MYO1D: variants seen among roughly 807,000 people sequenced by gnomAD.
MYO1D encodes unconventional myosin-Id.
In MYO1D, 83 loss-of-function variants were observed where a neutral mutation model predicts 122.0. That is an observed-to-expected ratio of 0.68 (90% CI 0.57 to 0.82). The LOEUF is 0.82. MYO1D is among the 40% of genes least tolerant of loss of function. MYO1D has a pLI of 0.00. For missense variants in MYO1D, 1,157 were observed against 1,269.5 expected, an observed-to-expected ratio of 0.91 and a Z score of 1.35; for synonymous variants, 464 against 446.9, an observed-to-expected ratio of 1.04 and a Z score of -0.48.
At chr17:32,571,006 A>G (rs201506657) in intron 21 of MYO1D, among the ~76,000 whole-genome samples, 3 of 151,914 alleles carry the variant, frequency 2.0e-5, no homozygotes, top group East Asian at 3.9e-4. Flanking sequence ...CATGAGGAAA[A>G]GTGCTGGAGG....
chr17:32,811,259 C>T (rs972992264), intron 1 of MYO1D, among the ~76,000 whole-genome samples: 4 of 152,206 alleles, frequency 2.6e-5, no homozygotes, highest in African/African-American at 9.6e-5. Context: ...TAAAACATAA[C>T]TCAAGTAAAC....
chr17:32,524,645 C>T lies in MYO1D; in HGVS notation c.2865-29730G>A, dbSNP rs536462256. Among the ~76,000 whole-genome samples the T allele has an allele frequency of 8.0e-4, 120 of 149,760 alleles. 1 individual carries two copies. The highest frequency in any genetic ancestry group is 2.8e-3 in the African/African-American group (114 of 40,880). ...GTGGCATGATCTCGGCTCACTGCAA[C>T]CTCCGCCTCTGGGTTCAAGCGATTC... On this transcript the variant is annotated intron_variant, in intron 21 of 21. Coordinates refer to ENST00000318217, the MANE Select transcript of MYO1D (RefSeq NM_015194.3).
At chr17:32,690,185 CT>C (rs1202005031) in intron 16 of MYO1D, among the ~76,000 whole-genome samples, 318 of 141,002 alleles carry the variant, frequency 2.3e-3, no homozygotes, top group Admixed American at 4.2e-3. Context: ...GAGTGTTTAT[CT>C]TTTTTTTTTT....
intron 1 of MYO1D, among the ~76,000 whole-genome samples, chr17:32,825,626 T>C (rs536782025): frequency 6.6e-6 from 1 of 152,226 alleles, no homozygotes; most frequent in Non-Finnish European, 1.5e-5. Flanking sequence ...CATGCTCATA[T>C]GCGCAGAGTT....
At chr17:32,568,999 A>T (rs538705845) in intron 21 of MYO1D, among the ~76,000 whole-genome samples, 1 of 152,294 alleles carries the variant, frequency 6.6e-6, no homozygotes, top group East Asian at 1.9e-4. Context: ...GGCCACCCCC[A>T]ATATGTAGAG....
At chr17:32,760,861 T>C (rs953746474) in intron 8 of MYO1D, among the ~76,000 whole-genome samples, 6 of 152,222 alleles carry the variant, frequency 3.9e-5, no homozygotes, top group Non-Finnish European at 7.4e-5. Context: ...CCGGTCATTA[T>C]ACCAATTCCA....
At chr17:32,697,761 T>C (rs1950552154) in intron 16 of MYO1D, among the ~76,000 whole-genome samples, 1 of 152,218 alleles carries the variant, frequency 6.6e-6, no homozygotes, top group South Asian at 2.1e-4. Flanking sequence ...TCCACATACT[T>C]GACAGTGAAT....
At chr17:32,631,642 G>A (rs1025856152) in intron 20 of MYO1D, among the ~76,000 whole-genome samples, 31 of 149,802 alleles carry the variant, frequency 2.1e-4, no homozygotes, top group Non-Finnish European at 3.1e-4. Context: ...GCGAGAACCC[G>A]TCTCTTAAAA....
intron 21 of MYO1D, among the ~76,000 whole-genome samples, chr17:32,594,754 C>T (rs529157888): frequency 3.6e-4 from 55 of 152,232 alleles, no homozygotes; most frequent in African/African-American, 1.3e-3. Flanking sequence ...TTCTTACAGC[C>T]CACCTGTTTG....
intron 16 of MYO1D, among the ~76,000 whole-genome samples, chr17:32,669,681 T>A (rs552128430): frequency 1.1e-4 from 16 of 152,202 alleles, no homozygotes; most frequent in Non-Finnish European, 2.1e-4. Flanking sequence ...CCAGGTTCTA[T>A]CCTTTTGGGA....
At chr17:32,632,578 T>TAC (rs1175449249) in intron 20 of MYO1D, 5 of 106,596 alleles carry the variant, frequency 4.7e-5, no homozygotes, top group African/African-American at 2.7e-4. Context: ...TATATATATA[T>TAC]ATATATATAC....
At chr17:32,787,442 G>A (rs1306101214) in intron 1 of MYO1D, among the ~76,000 whole-genome samples, 2 of 149,070 alleles carry the variant, frequency 1.3e-5, no homozygotes, top group South Asian at 2.1e-4. Flanking sequence ...TTTTTGAGAC[G>A]GAGTCTCACT....
At chr17:32,694,186 A>C (rs1275425140) in intron 16 of MYO1D, among the ~76,000 whole-genome samples, 1 of 152,166 alleles carries the variant, frequency 6.6e-6, no homozygotes, top group Non-Finnish European at 1.5e-5. Flanking sequence ...CCTTTTTGCT[A>C]TACCTATTTT....
intron 20 of MYO1D, among the ~76,000 whole-genome samples, chr17:32,637,716 T>C (rs1282168325): frequency 6.6e-6 from 1 of 152,036 alleles, no homozygotes; most frequent in East Asian, 1.9e-4. Context: ...CATTTTAGCC[T>C]TAGTTGCAAT....
chr17:32,859,265 T>A (rs140507778), intron 1 of MYO1D, among the ~76,000 whole-genome samples: 1 of 152,320 alleles, frequency 6.6e-6, no homozygotes, highest in Non-Finnish European at 1.5e-5. Context: ...TATTTGGAGC[T>A]CTCTTTTATG....
At chr17:32,800,297 C>T (rs2090449947) in intron 1 of MYO1D, among the ~76,000 whole-genome samples, 1 of 151,962 alleles carries the variant, frequency 6.6e-6, no homozygotes, top group South Asian at 2.1e-4. Context: ...AAGTTTTCAT[C>T]AACAGAGGAA....
At chr17:32,752,376 T>C (rs898603409) in intron 11 of MYO1D, among the ~76,000 whole-genome samples, 2 of 152,150 alleles carry the variant, frequency 1.3e-5, no homozygotes, top group African/African-American at 4.8e-5. Flanking sequence ...AGGCAAAGAA[T>C]TTATGACCAA....
At chr17:32,556,568 T>TG (rs368557301) in intron 21 of MYO1D, among the ~76,000 whole-genome samples, 24,444 of 149,860 alleles carry the variant, frequency 0.16, 2,024 homozygotes, top group African/African-American at 0.23. Flanking sequence ...TTTTTTTTTT[T>TG]AAGATGGGAT....
intron 1 of MYO1D, among the ~76,000 whole-genome samples, chr17:32,827,713 A>C (rs1245920709): frequency 1.3e-5 from 2 of 152,230 alleles, no homozygotes; most frequent in East Asian, 3.8e-4. Context: ...GACATCATTA[A>C]GTTTAAAGGC....
Sources: allele counts gnomAD v4.1 joint callset (sites outside exome capture counted in the v4.1 genomes callset), GRCh38; gene constraint gnomAD v4.1.1; transcripts MANE v1.5; gene names NCBI Gene and HGNC (gene_info 2026-07-23, HGNC 2026-07-21).